The following METTL15 variants were observed in gnomAD, a reference collection of about 807,000 sequenced individuals.
METTL15 encodes the protein methyltransferase 15, mitochondrial 12S rRNA N4-cytidine, also known as 12S rRNA N(4)-cytidine methyltransferase METTL15.
A neutral mutation model predicts 38.3 loss-of-function variants in METTL15; 34 were observed. The observed-to-expected ratio is 0.89, with a 90% CI of 0.68 to 1.18. METTL15 has a LOEUF of 1.18. METTL15 is among the 50% of genes most tolerant of loss of function. The pLI is 0.00. For missense variants in METTL15, 438 were observed against 498.4 expected (o/e 0.88, Z 1.15); for synonymous variants, 162 against 170.9 (o/e 0.95, Z 0.41).
At chr11:28,342,815 C>G (rs1849964669) in intron 3 of METTL15, among the ~76,000 whole-genome samples, 1 of 152,164 alleles carries the variant, frequency 6.6e-6, no homozygotes, top group African/African-American at 2.4e-5. Flanking sequence ...TTTGTATGCA[C>G]AGTTGTACAA....
intron 4 of METTL15, among the ~76,000 whole-genome samples, chr11:28,256,016 A>G (rs977191994): frequency 3.3e-5 from 5 of 152,266 alleles, no homozygotes; most frequent in African/African-American, 1.2e-4. Context: ...TGATTTTCAT[A>G]TGTTGAATCA....
At chr11:28,277,774 T>G (rs1028740949) in intron 4 of METTL15, among the ~76,000 whole-genome samples, 1 of 152,110 alleles carries the variant, frequency 6.6e-6, no homozygotes, top group Admixed American at 6.6e-5. Context: ...GAGGTCCTTA[T>G]CTTATTTGAA....
chr11:28,379,954 T>C (rs1483557200), intron 5 of METTL15, among the ~76,000 whole-genome samples: 1 of 152,206 alleles, frequency 6.6e-6, no homozygotes, highest in Non-Finnish European at 1.5e-5. Context: ...TTTTTCATTA[T>C]ATAGCAATCT....
chr11:28,126,683 T>C (rs746098831), intron 3 of METTL15, among the ~76,000 whole-genome samples: 1 of 152,150 alleles, frequency 6.6e-6, no homozygotes, highest in African/African-American at 2.4e-5. Context: ...AGATGTCTAT[T>C]AAGTTTCTAC....
chr11:28,471,588 A>G (rs984369177), intron 6 of METTL15, among the ~76,000 whole-genome samples: 10 of 152,088 alleles, frequency 6.6e-5, no homozygotes, highest in South Asian at 2.1e-4. Context: ...ATGGCCTTCC[A>G]GCTCCCCCAT....
chr11:28,158,005 G>A (rs559143363), intron 3 of METTL15, among the ~76,000 whole-genome samples: 6 of 152,310 alleles, frequency 3.9e-5, no homozygotes, highest in Non-Finnish European at 7.3e-5. Flanking sequence ...ACTTCAAGCA[G>A]TGTACCTGGT....
At chr11:28,205,933 C>T (rs370380083) in intron 3 of METTL15, among the ~76,000 whole-genome samples, 2,491 of 147,062 alleles carry the variant, frequency 0.017, 89 homozygotes, top group East Asian at 0.12. Flanking sequence ...TCATGTCCTT[C>T]GCCCACTTTT....
At chr11:28,468,657 G>A (rs1362785947) in intron 6 of METTL15, among the ~76,000 whole-genome samples, 1 of 152,126 alleles carries the variant, frequency 6.6e-6, no homozygotes, top group Non-Finnish European at 1.5e-5. Context: ...TTCTTGGAGT[G>A]TGAGAGAGGA....
In METTL15 at chr11:28,189,172, A is replaced by G. The variant is rs1851612027; in HGVS notation, c.271-21890A>G. Among the ~76,000 whole-genome samples the G allele has an allele frequency of 2.0e-5, 3 of 151,362 alleles. No homozygotes were observed. In the Admixed American group the frequency reaches 2.0e-4, roughly 10 times the overall value. On this transcript the variant is annotated intron_variant, in intron 3 of 6. Transcript: ENST00000407364. ...TTCAGAAGCCCACAGGAAATATTAAATAGTGTTAATTCACAATTCCATGAT... is the reference window on the plus strand; with the variant it reads ...TTCAGAAGCCCACAGGAAATATTAAGTAGTGTTAATTCACAATTCCATGAT...
chr11:28,514,766 G>C (rs961239998), intron 6 of METTL15, among the ~76,000 whole-genome samples: 1 of 152,190 alleles, frequency 6.6e-6, no homozygotes, highest in Non-Finnish European at 1.5e-5. Flanking sequence ...AGATAGCTTT[G>C]TAACTAGAAG....
chr11:28,445,944 C>T (rs1851071854), intron 6 of METTL15, among the ~76,000 whole-genome samples: 1 of 152,132 alleles, frequency 6.6e-6, no homozygotes, highest in African/African-American at 2.4e-5. Context: ...AACCCCCGTG[C>T]CTGGCCTGGC....
intron 3 of METTL15, among the ~76,000 whole-genome samples, chr11:28,115,534 A>G (rs1439402360): frequency 6.6e-6 from 1 of 152,240 alleles, no homozygotes; most frequent in African/African-American, 2.4e-5. Flanking sequence ...CTGGGATTAC[A>G]GGTGTGAGCC....
At chr11:28,207,738 C>G (rs1852419495) in intron 3 of METTL15, among the ~76,000 whole-genome samples, 2 of 152,102 alleles carry the variant, frequency 1.3e-5, no homozygotes, top group East Asian at 3.9e-4. Context: ...CCATCTGGTC[C>G]TGGACCCTTT....
chr11:28,313,846 T>C (rs909928820), intron 6 of METTL15, among the ~76,000 whole-genome samples: 2 of 152,170 alleles, frequency 1.3e-5, no homozygotes, highest in Admixed American at 1.3e-4. Context: ...TTAAGGGATT[T>C]TTTTTGGAAG....
At chr11:28,486,096 C>T (rs193281172) in intron 6 of METTL15, among the ~76,000 whole-genome samples, 7 of 152,220 alleles carry the variant, frequency 4.6e-5, no homozygotes, top group Admixed American at 1.3e-4. Context: ...CCATAGTTAG[C>T]GCTATGAGAA....
chr11:28,293,280 C>T (rs1218066388), intron 5 of METTL15, among the ~76,000 whole-genome samples: 8 of 152,258 alleles, frequency 5.3e-5, no homozygotes, highest in South Asian at 2.1e-4. Flanking sequence ...ATATGGCTAG[C>T]GAGTTTTCCC....
chr11:28,307,014 G>A (rs1253866681), intron 6 of METTL15, among the ~76,000 whole-genome samples: 1 of 151,748 alleles, frequency 6.6e-6, no homozygotes, highest in African/African-American at 2.4e-5. Flanking sequence ...TAACTCTTCA[G>A]TTTTGTCAGA....
intron 6 of METTL15, among the ~76,000 whole-genome samples, chr11:28,476,649 G>T (rs1307886578): frequency 6.6e-6 from 1 of 152,172 alleles, no homozygotes; most frequent in Non-Finnish European, 1.5e-5. Flanking sequence ...TTCAGACCAT[G>T]TAGAAGGGCA....
chr11:28,127,386 A>T (rs1046765766), intron 3 of METTL15, among the ~76,000 whole-genome samples: 2 of 152,050 alleles, frequency 1.3e-5, no homozygotes, highest in African/African-American at 4.8e-5. Context: ...TTTATTTCTC[A>T]CAATTCTGGA....
Sources: gnomAD v4.1 joint callset for allele counts (sites outside exome capture counted in the v4.1 genomes callset) on GRCh38, gnomAD v4.1.1 for gene constraint, MANE v1.5 for transcripts, NCBI Gene and HGNC (gene_info 2026-07-23, HGNC 2026-07-21) for gene names.